The following KIAA1549L variants were observed in gnomAD, a reference collection of about 807,000 sequenced individuals.
The protein encoded by KIAA1549L is UPF0606 protein KIAA1549L.
In KIAA1549L, 88 loss-of-function variants were observed where a neutral mutation model predicts 160.7. That is an observed-to-expected ratio of 0.55 (90% CI 0.46 to 0.65). The LOEUF is 0.65. Ranked by LOEUF, KIAA1549L falls within the 30% of genes least tolerant of loss-of-function variation. The probability of loss-of-function intolerance (pLI) is 0.00; values close to 1 mark genes in which losing one functional copy is unlikely to be tolerated. For synonymous variants in KIAA1549L, 950 were observed against 976.7 expected, an observed-to-expected ratio of 0.97 and a Z score of 0.51; for missense variants, 2,258 against 2,437.5, an observed-to-expected ratio of 0.93 and a Z score of 1.55.
rs533444904 is a variant in KIAA1549L, at chr11:33,599,056, C to T, written c.4879+109C>T. 326 of 1,312,820 alleles carry T rather than the reference C, an allele frequency of 2.5e-4. 1 individual carries two copies. The African/African-American group carries it at 4.2e-3, about 17-fold the overall frequency. The allele number at this position is 1,312,820 out of a possible 1,614,324, so 81.3% of individuals were successfully genotyped here. A position where few individuals can be genotyped will look rare whatever the true frequency, so the allele number is the denominator to read the frequency against. On this transcript the variant is annotated intron_variant, in intron 13 of 20. Transcript: ENST00000658780. ...TCACACACAGCCACTGGGCTCTGACCCTCAGTCGTTCTTTCTATTCTGCCC... is the reference window on the plus strand; with the variant it reads ...TCACACACAGCCACTGGGCTCTGACTCTCAGTCGTTCTTTCTATTCTGCCC...
chr11:33,631,461 A>G (rs1324489478), intron 16 of KIAA1549L, among the ~76,000 whole-genome samples: 1 of 151,768 alleles, frequency 6.6e-6, no homozygotes, highest in Non-Finnish European at 1.5e-5. Flanking sequence ...AGGGCTGTAG[A>G]GTTTCTTCAT....
intron 20 of KIAA1549L, among the ~76,000 whole-genome samples, chr11:33,663,209 C>G (rs771496752): frequency 2.0e-5 from 3 of 152,194 alleles, no homozygotes; most frequent in Non-Finnish European, 2.9e-5. Flanking sequence ...CTGATCCCAG[C>G]AGCTAGCTTG....
intron 1 of KIAA1549L, among the ~76,000 whole-genome samples, chr11:33,406,817 T>C (rs1490178960): frequency 6.6e-6 from 1 of 152,226 alleles, no homozygotes; most frequent in African/African-American, 2.4e-5. Context: ...GGTAACAGTT[T>C]TGTTAACCTT....
At chr11:33,396,916 C>T (rs1470295408) in intron 1 of KIAA1549L, among the ~76,000 whole-genome samples, 4 of 150,002 alleles carry the variant, frequency 2.7e-5, no homozygotes, top group Non-Finnish European at 4.4e-5. Context: ...CGCCATTGCA[C>T]TCCAGCCTTG....
At chr11:33,616,007 A>G (rs528596375) in intron 15 of KIAA1549L, among the ~76,000 whole-genome samples, 52 of 152,346 alleles carry the variant, frequency 3.4e-4, no homozygotes, top group Non-Finnish European at 5.6e-4. Flanking sequence ...AATTGCAGAT[A>G]GCTATAGGGC....
Position 33,645,800 on chromosome 11 carries a change from C to T in KIAA1549L, c.5524C>T (p.Pro1842Ser), listed in dbSNP as rs750958641. 2 of 1,613,968 alleles carry T rather than the reference C, an allele frequency of 1.2e-6. No homozygotes were observed. The highest frequency in any genetic ancestry group is 3.3e-5 in the Admixed American group (2 of 60,032). ...GGAGACCTCCACACTGAGCTCCCAG[C>T]CATCCATCGACGAGGTCAGGCAGCA... is the stretch of plus-strand genomic sequence containing the variant. ...HSETSTLSSQPSIDEVRQQMH... is the reference protein window; with the variant it reads ...HSETSTLSSQSSIDEVRQQMH... The change falls in exon 17 of 21, where the codon CCA (proline) becomes TCA (serine). Residue 1842 changes from proline (P) to serine (S), a missense_variant. This residue lies in a region of KIAA1549L where 1,359 missense variants were observed against 1,546.6 expected (regional missense o/e 0.88). Coordinates refer to ENST00000658780, the MANE Select transcript of KIAA1549L (RefSeq NM_012194.3).
At chr11:33,658,656 G>A in intron 18 of KIAA1549L, 94 bp from the exon 19 acceptor site, 1 of 1,298,750 alleles carries the variant, frequency 7.7e-7, no homozygotes, top group South Asian at 1.3e-5. Flanking sequence ...GGAGGCAGCT[G>A]TCCATGCCCA....
chr11:33,653,051 A>G (rs949960128), intron 17 of KIAA1549L, among the ~76,000 whole-genome samples: 2 of 152,268 alleles, frequency 1.3e-5, no homozygotes, highest in African/African-American at 4.8e-5. Flanking sequence ...ACATATCCAG[A>G]GAAAGTGAAT....
At chr11:33,425,271 C>T (rs1851093362) in intron 1 of KIAA1549L, among the ~76,000 whole-genome samples, 1 of 152,074 alleles carries the variant, frequency 6.6e-6, no homozygotes, top group South Asian at 2.1e-4. Context: ...GTCCTCAAGT[C>T]CTATTTTAAA....
chr11:33,540,469 A>G (rs1031445174), intron 1 of KIAA1549L, among the ~76,000 whole-genome samples: 1 of 152,228 alleles, frequency 6.6e-6, no homozygotes, highest in Non-Finnish European at 1.5e-5. Flanking sequence ...GACTGCATGC[A>G]AAGTGTGAAA....
chr11:33,612,137 G>C (rs1850663818), intron 15 of KIAA1549L, among the ~76,000 whole-genome samples: 1 of 152,252 alleles, frequency 6.6e-6, no homozygotes, highest in Non-Finnish European at 1.5e-5. Flanking sequence ...CTAGGAATAG[G>C]AATGGAGAGA....
intron 1 of KIAA1549L, among the ~76,000 whole-genome samples, chr11:33,465,846 A>G (rs939669652): frequency 6.6e-6 from 1 of 152,232 alleles, no homozygotes; most frequent in Admixed American, 6.5e-5. Context: ...AATTAACTCA[A>G]GATGGATTAA....
chr11:33,472,143 T>G (rs370135947), intron 1 of KIAA1549L, among the ~76,000 whole-genome samples: 160 of 152,190 alleles, frequency 1.1e-3, no homozygotes, highest in African/African-American at 3.9e-3. Flanking sequence ...TCTCCTTCTT[T>G]TCTTTTCTTT....
chr11:33,569,964 C>A (rs1175335060), intron 9 of KIAA1549L, among the ~76,000 whole-genome samples: 3 of 151,222 alleles, frequency 2.0e-5, no homozygotes, highest in African/African-American at 7.3e-5. Flanking sequence ...ATTTTGCATG[C>A]CAAAGGGCCC....
At chr11:33,444,893 T>C (rs1158933028) in intron 1 of KIAA1549L, among the ~76,000 whole-genome samples, 1 of 152,212 alleles carries the variant, frequency 6.6e-6, no homozygotes, top group African/African-American at 2.4e-5. Context: ...TCCACTGCTT[T>C]ATAGCTCTCT....
chr11:33,461,594 C>T (rs1339121690), intron 1 of KIAA1549L, among the ~76,000 whole-genome samples: 1 of 152,200 alleles, frequency 6.6e-6, no homozygotes, highest in Admixed American at 6.5e-5. Context: ...AAGTGATTCA[C>T]ACCTGTGCAG....
At chr11:33,606,045 C>G (rs1343631581) in intron 13 of KIAA1549L, among the ~76,000 whole-genome samples, 1 of 152,144 alleles carries the variant, frequency 6.6e-6, no homozygotes, top group Admixed American at 6.5e-5. Context: ...ATTAGTTTCT[C>G]TGGCGGAATT....
intron 13 of KIAA1549L, among the ~76,000 whole-genome samples, chr11:33,602,645 G>GA (rs1423386173): frequency 6.6e-6 from 1 of 152,212 alleles, no homozygotes; most frequent in African/African-American, 2.4e-5. Flanking sequence ...CATTTACTGT[G>GA]ATGCGATGCT....
At chr11:33,536,284 C>T (rs1249555180) in intron 1 of KIAA1549L, among the ~76,000 whole-genome samples, 1 of 152,228 alleles carries the variant, frequency 6.6e-6, no homozygotes, top group Non-Finnish European at 1.5e-5. Context: ...TGGCTTTTCC[C>T]TGCCTCATGA....
Sources: allele counts gnomAD v4.1 joint callset (sites outside exome capture counted in the v4.1 genomes callset), GRCh38; gene constraint gnomAD v4.1.1; regional missense constraint gnomAD v4.1.1; transcripts MANE v1.5; gene names NCBI Gene and HGNC (gene_info 2026-07-23, HGNC 2026-07-21).